The following RALGPS1 variants were observed in gnomAD, a reference collection of about 807,000 sequenced individuals.
RALGPS1 encodes Ral GEF with PH domain and SH3 binding motif 1.
In RALGPS1, 19 loss-of-function variants were observed where a neutral mutation model predicts 78.8. That is an observed-to-expected ratio of 0.24 (90% CI 0.17 to 0.35). RALGPS1 has a LOEUF of 0.35. Ranked by LOEUF, RALGPS1 falls within the 10% of genes least tolerant of loss-of-function variation. The pLI is 1.00. For missense variants in RALGPS1, 454 were observed against 688.3 expected (o/e 0.66, Z 3.81); for synonymous variants, 228 against 256.3 (o/e 0.89, Z 1.06).
chr9:127,108,321 G>A (rs1589520807), intron 8 of RALGPS1: 1 of 1,613,698 alleles, frequency 6.2e-7, no homozygotes, highest in East Asian at 2.2e-5. Context: ...GCTGCATGTA[G>A]AGCTGCGTGA....
Position 127,218,813 on chromosome 9 carries a change from C to G in RALGPS1, c.*44C>G, listed in dbSNP as rs1288334458. 6.3e-7 allele frequency: 1 copy of G among 1,599,926 alleles called. No individual in the cohort carries two copies. The highest frequency in any genetic ancestry group is 1.3e-5 in the African/African-American group (1 of 74,630). ...ATGACTTCAGAGGCTTCTGGGAACCCAGGCTGGGCCTGGTGGTGAAGAGCA... is the reference window on the plus strand; with the variant it reads ...ATGACTTCAGAGGCTTCTGGGAACCGAGGCTGGGCCTGGTGGTGAAGAGCA... On this transcript the variant is annotated 3_prime_UTR_variant, in exon 19 of 19. Transcript: ENST00000259351. This position sits in a 1 kb window ranked among gnomAD's most constrained non-coding sequence, Gnocchi z 4.4.
chr9:127,136,163 G>T (rs2057377791), intron 8 of RALGPS1, among the ~76,000 whole-genome samples: 1 of 152,180 alleles, frequency 6.6e-6, no homozygotes, highest in Non-Finnish European at 1.5e-5. Context: ...CTCCACAAAT[G>T]CCCGAAGGCC....
At chr9:127,077,000 G>T (rs2050738888) in intron 8 of RALGPS1, among the ~76,000 whole-genome samples, 1 of 152,208 alleles carries the variant, frequency 6.6e-6, no homozygotes, top group South Asian at 2.1e-4. Context: ...AGTGAATGAG[G>T]GGGAAGGTGT....
In RALGPS1 at chr9:127,092,847, C is replaced by A. The variant is rs115762684; in HGVS notation, c.610+23491C>A. ...GCTGTTCAGGAGGTGGGGTGGGGGA[C>A]AACCAGGACAGGAGACTCAAGAAGG... On this transcript the variant is annotated intron_variant, in intron 8 of 18. Coordinates refer to ENST00000259351, the MANE Select transcript of RALGPS1 (RefSeq NM_014636.3). Among the ~76,000 whole-genome samples, 594 of 152,154 alleles carry A rather than the reference C, an allele frequency of 3.9e-3. 5 individuals carry two copies. The highest frequency in any genetic ancestry group is 0.013 in the African/African-American group (560 of 41,496).
chr9:127,201,966 G>C (rs971436706), intron 14 of RALGPS1, among the ~76,000 whole-genome samples: 1 of 152,236 alleles, frequency 6.6e-6, no homozygotes, highest in African/African-American at 2.4e-5. Flanking sequence ...GGAGGCCTGG[G>C]CCACGCAGAG....
At chr9:127,018,647 GATAATAATAATA>G (rs34742580) in intron 4 of RALGPS1, among the ~76,000 whole-genome samples, 12 of 147,054 alleles carry the variant, frequency 8.2e-5, no homozygotes, top group Middle Eastern at 3.6e-3. Context: ...TAATAATGAT[GATAATAATAATA>G]ATAATAATAA....
intron 11 of RALGPS1, among the ~76,000 whole-genome samples, chr9:127,179,081 G>A (rs1174543776): frequency 1.3e-5 from 2 of 152,240 alleles, no homozygotes; most frequent in Admixed American, 6.5e-5. Context: ...TGGGCTGACT[G>A]CTGACTCGGC....
intron 1 of RALGPS1, among the ~76,000 whole-genome samples, chr9:126,945,715 A>G (rs1404514421): frequency 6.6e-6 from 1 of 152,080 alleles, no homozygotes; most frequent in East Asian, 1.9e-4. Context: ...TGTTCTTGCC[A>G]TTATATCCTC....
Position 127,048,935 on chromosome 9 carries a change from C to A in RALGPS1, c.301-1108C>A, listed in dbSNP as rs531820248. On this transcript the variant is annotated intron_variant, in intron 5 of 18. Coordinates refer to ENST00000259351, the MANE Select transcript of RALGPS1 (RefSeq NM_014636.3). ...TAATACTCCTGCTTAATATAAAAAGCACATTGTTGATTCTTGGTTTCTCTT... is the reference window on the plus strand; with the variant it reads ...TAATACTCCTGCTTAATATAAAAAGAACATTGTTGATTCTTGGTTTCTCTT... 2.0e-5 allele frequency among the ~76,000 whole-genome samples: 3 copies of A among 152,292 alleles called. No individual in the cohort carries two copies. In the East Asian group the frequency reaches 5.8e-4, roughly 29 times the overall value.
chr9:127,147,588 C>T (rs925601725), intron 8 of RALGPS1, among the ~76,000 whole-genome samples: 8 of 152,208 alleles, frequency 5.3e-5, no homozygotes, highest in African/African-American at 1.9e-4. Context: ...CTTTAATCTT[C>T]TGCATATGGT....
At chr9:127,036,449 G>T (rs1336022915) in intron 5 of RALGPS1, among the ~76,000 whole-genome samples, 1 of 152,226 alleles carries the variant, frequency 6.6e-6, no homozygotes, top group African/African-American at 2.4e-5. Context: ...AATAATAGTA[G>T]TGCTCTCCTT....
intron 7 of RALGPS1, among the ~76,000 whole-genome samples, 198 bp downstream of exon 7, chr9:127,053,137 G>C (rs768467421): frequency 1.1e-4 from 17 of 152,214 alleles, no homozygotes; most frequent in Non-Finnish European, 2.4e-4. Context: ...AATGGTGAAG[G>C]TGCTGACGTG....
At chr9:127,042,745 G>C (rs897407893) in intron 5 of RALGPS1, among the ~76,000 whole-genome samples, 1 of 152,170 alleles carries the variant, frequency 6.6e-6, no homozygotes, top group African/African-American at 2.4e-5. Flanking sequence ...TTTATACATA[G>C]GTGACGTGAT....
intron 8 of RALGPS1, among the ~76,000 whole-genome samples, chr9:127,074,767 A>ACAGAGC (rs1232049131): frequency 1.3e-5 from 2 of 152,252 alleles, no homozygotes; most frequent in African/African-American, 4.8e-5. Context: ...CTGGAAAGTA[A>ACAGAGC]CAGAGCCAGG....
intron 4 of RALGPS1, among the ~76,000 whole-genome samples, chr9:127,000,318 T>C (rs11789307): frequency 0.38 from 57,247 of 151,952 alleles, 12,615 homozygotes; most frequent in Non-Finnish European, 0.48. Flanking sequence ...ATTGCTAATG[T>C]AGGCATCTAA....
chr9:127,144,762 A>G (rs956764615), intron 8 of RALGPS1, among the ~76,000 whole-genome samples: 8 of 152,384 alleles, frequency 5.2e-5, no homozygotes, highest in South Asian at 2.1e-4. Flanking sequence ...CTCATATTAT[A>G]TGATTCCATT....
intron 7 of RALGPS1, among the ~76,000 whole-genome samples, chr9:127,060,616 C>T (rs2049129414): frequency 2.0e-5 from 3 of 151,944 alleles, no homozygotes; most frequent in African/African-American, 7.3e-5. Context: ...ATGACAGGGC[C>T]TTTTACTTAT....
At chr9:126,993,667 C>G (rs1438954310) in intron 4 of RALGPS1, among the ~76,000 whole-genome samples, 1 of 152,026 alleles carries the variant, frequency 6.6e-6, no homozygotes, top group Non-Finnish European at 1.5e-5. Flanking sequence ...TCCAACTGAG[C>G]TTTGAAGAGA....
At chr9:127,088,907 A>G in intron 8 of RALGPS1, 22 of 1,613,792 alleles carry the variant, frequency 1.4e-5, no homozygotes, top group Non-Finnish European at 1.8e-5. Flanking sequence ...GCTCCTGGCA[A>G]TGGCCACGAG....
Sources: allele counts gnomAD v4.1 joint callset (sites outside exome capture counted in the v4.1 genomes callset), GRCh38; gene constraint gnomAD v4.1.1; non-coding constraint Gnocchi (gnomAD v3.1); transcripts MANE v1.5; gene names NCBI Gene and HGNC (gene_info 2026-07-23, HGNC 2026-07-21).